Variants in FLT1 observed in about 807,000 individuals in gnomAD.
The protein encoded by FLT1 is vascular endothelial growth factor receptor 1.
A neutral mutation model predicts 156.3 loss-of-function variants in FLT1; 49 were observed. That is an observed-to-expected ratio of 0.31 (90% CI 0.25 to 0.40). The LOEUF is 0.40. Among genes scored for constraint, FLT1 ranks in the 10% least tolerant of loss-of-function variants. The pLI is 1.00. For missense variants in FLT1, 1,322 were observed against 1,637.2 expected (o/e 0.81, Z 3.32); for synonymous variants, 594 against 583.8 (o/e 1.02, Z -0.25).
intron 3 of FLT1, among the ~76,000 whole-genome samples, chr13:28,456,154 C>G (rs1469425349): frequency 1.3e-5 from 2 of 152,128 alleles, no homozygotes; most frequent in African/African-American, 4.8e-5. Context: ...TTACATCCAC[C>G]CAAAACCTGC....
intron 13 of FLT1, chr13:28,388,178 T>C (rs1399821154): frequency 9.5e-7 from 1 of 1,057,878 alleles, no homozygotes; most frequent in East Asian, 5.2e-5. Flanking sequence ...TGATTTTTCT[T>C]TCCTTTGGGC....
At chr13:28,426,523 C>G (rs951018110) in intron 10 of FLT1, among the ~76,000 whole-genome samples, 1 of 152,124 alleles carries the variant, frequency 6.6e-6, no homozygotes, top group Non-Finnish European at 1.5e-5. Flanking sequence ...CAAACCTTTG[C>G]GCATCGAGTG....
intron 15 of FLT1, among the ~76,000 whole-genome samples, chr13:28,347,275 C>T (rs778047861): frequency 1.3e-5 from 2 of 151,650 alleles, no homozygotes; most frequent in Non-Finnish European, 2.9e-5. Context: ...GTAATCCTAG[C>T]GCTTTGGGAG....
intron 29 of FLT1, among the ~76,000 whole-genome samples, chr13:28,303,736 A>T (rs1255477488): frequency 2.0e-5 from 3 of 152,148 alleles, no homozygotes; most frequent in Admixed American, 2.0e-4. Flanking sequence ...ACCCTCCAAA[A>T]TATTCAAATT....
intron 11 of FLT1, among the ~76,000 whole-genome samples, chr13:28,399,717 TTTG>T (rs1875315128): frequency 6.6e-6 from 1 of 152,188 alleles, no homozygotes; most frequent in African/African-American, 2.4e-5. Flanking sequence ...TTTTTCTTCT[TTTG>T]TGTGAATGAC....
chr13:28,493,430 T>A (rs1421840891), intron 1 of FLT1, among the ~76,000 whole-genome samples: 1 of 152,218 alleles, frequency 6.6e-6, no homozygotes, highest in Non-Finnish European at 1.5e-5. Context: ...TTGGAACTAT[T>A]ACTTGTTACT....
intron 23 of FLT1, among the ~76,000 whole-genome samples, chr13:28,319,735 T>G (rs1010825400): frequency 6.6e-6 from 1 of 152,168 alleles, no homozygotes; most frequent in African/African-American, 2.4e-5. Flanking sequence ...CTGAGTCCCA[T>G]GAAGGCAGTA....
chr13:28,369,486 C>T (rs1443666373), intron 14 of FLT1, among the ~76,000 whole-genome samples: 1 of 152,132 alleles, frequency 6.6e-6, no homozygotes, highest in Non-Finnish European at 1.5e-5. Context: ...GATCATGCCA[C>T]TGTACTCCAG....
intron 10 of FLT1, among the ~76,000 whole-genome samples, chr13:28,412,367 T>TC (rs1876305488): frequency 1.1e-5 from 1 of 87,572 alleles, no homozygotes; most frequent in African/African-American, 3.4e-5. Flanking sequence ...TTTCTTTCTT[T>TC]CTTTCTTTCT....
chr13:28,448,400 T>C (rs903894378), intron 3 of FLT1, among the ~76,000 whole-genome samples: 1 of 152,188 alleles, frequency 6.6e-6, no homozygotes, highest in African/African-American at 2.4e-5. Context: ...ATGTGATATG[T>C]CCATACAATG....
intron 3 of FLT1, among the ~76,000 whole-genome samples, chr13:28,450,456 G>C (rs1878870138): frequency 6.6e-6 from 1 of 151,856 alleles, no homozygotes. Context: ...ACTGACCTCA[G>C]TCAGAGATCT....
chr13:28,375,713 C>CGA (rs1236245782), intron 14 of FLT1, among the ~76,000 whole-genome samples: 2 of 152,274 alleles, frequency 1.3e-5, no homozygotes, highest in East Asian at 3.9e-4. Context: ...ACAGGGCTAG[C>CGA]GAGAACAGCT....
At chr13:28,373,146 T>G (rs191136147) in intron 14 of FLT1, among the ~76,000 whole-genome samples, 2 of 152,292 alleles carry the variant, frequency 1.3e-5, no homozygotes, top group African/African-American at 4.8e-5. Context: ...CAAAACCCAT[T>G]CAGTCAGAAG....
intron 16 of FLT1, among the ~76,000 whole-genome samples, chr13:28,342,132 C>T (rs1408569002): frequency 6.6e-6 from 1 of 152,168 alleles, no homozygotes; most frequent in Admixed American, 6.5e-5. Flanking sequence ...ATCTGCCCGC[C>T]TCGGCCTCCC....
intron 12 of FLT1, among the ~76,000 whole-genome samples, chr13:28,393,392 A>T (rs893623543): frequency 6.6e-6 from 1 of 152,222 alleles, no homozygotes; most frequent in Non-Finnish European, 1.5e-5. Flanking sequence ...AGAAGGCTCT[A>T]CTGCCACCGA....
intron 6 of FLT1, among the ~76,000 whole-genome samples, 158 bp downstream of exon 6, chr13:28,433,661 G>A (rs1877837975): frequency 6.6e-6 from 1 of 152,170 alleles, no homozygotes; most frequent in African/African-American, 2.4e-5. Context: ...TGAAATGCCA[G>A]GCAAAGAAAG....
At chr13:28,341,317 G>A (rs1872323774) in intron 16 of FLT1, among the ~76,000 whole-genome samples, 2 of 152,222 alleles carry the variant, frequency 1.3e-5, no homozygotes, top group Admixed American at 6.5e-5. Flanking sequence ...CATTAACACT[G>A]AGCAGCTACT....
At chr13:28,330,346 G>A (rs1871874894) in intron 18 of FLT1, among the ~76,000 whole-genome samples, 1 of 152,012 alleles carries the variant, frequency 6.6e-6, no homozygotes, top group Non-Finnish European at 1.5e-5. Context: ...CCTAAATTGA[G>A]TTTGTTCTGT....
intron 25 of FLT1, among the ~76,000 whole-genome samples, chr13:28,312,595 G>A (rs1254322347): frequency 6.6e-6 from 1 of 152,144 alleles, no homozygotes; most frequent in African/African-American, 2.4e-5. Flanking sequence ...TGTAACAAAG[G>A]TTGGTTTGAG....
Sources: allele counts gnomAD v4.1 joint callset (sites outside exome capture counted in the v4.1 genomes callset), GRCh38; gene constraint gnomAD v4.1.1; transcripts MANE v1.5; gene names NCBI Gene and HGNC (gene_info 2026-07-23, HGNC 2026-07-21).